The following LRRC4C variants were observed in gnomAD, a reference collection of about 807,000 sequenced individuals.
The protein encoded by LRRC4C is leucine-rich repeat-containing protein 4C.
LRRC4C carries 5 observed loss-of-function variants against 33.6 expected under a neutral mutation model. The observed-to-expected ratio is 0.15, with a 90% CI of 0.08 to 0.31. LRRC4C has a LOEUF of 0.31. Among genes scored for constraint, LRRC4C ranks in the 10% least tolerant of loss-of-function variants. The pLI is 1.00. For synonymous variants in LRRC4C, 329 were observed against 302.0 expected, an observed-to-expected ratio of 1.09 and a Z score of -0.93; for missense variants, 560 against 796.7, an observed-to-expected ratio of 0.70 and a Z score of 3.58.
chr11:41,135,549 T>A (rs1943218871), intron 1 of LRRC4C, among the ~76,000 whole-genome samples: 1 of 152,164 alleles, frequency 6.6e-6, no homozygotes, highest in Non-Finnish European at 1.5e-5. Context: ...ATCTCAGTGA[T>A]CAGTGATACC....
chr11:41,276,739 G>A (rs1156483295), intron 1 of LRRC4C, among the ~76,000 whole-genome samples: 1 of 152,108 alleles, frequency 6.6e-6, no homozygotes, highest in Non-Finnish European at 1.5e-5. Flanking sequence ...GATTGTTCAA[G>A]TACACCCAAT....
intron 1 of LRRC4C, among the ~76,000 whole-genome samples, chr11:41,156,601 G>C (rs938388039): frequency 6.6e-6 from 1 of 152,040 alleles, no homozygotes; most frequent in Non-Finnish European, 1.5e-5. Context: ...AACAGAAAAA[G>C]TGCCCTAGAG....
chr11:40,627,270 A>G (rs1003444834), intron 3 of LRRC4C, among the ~76,000 whole-genome samples: 7 of 65,710 alleles, frequency 1.1e-4, no homozygotes. Context: ...AGAGAGAGAG[A>G]GAGAGCGAGA....
chr11:40,994,551 C>T (rs1004526659), intron 1 of LRRC4C, among the ~76,000 whole-genome samples: 1 of 152,130 alleles, frequency 6.6e-6, no homozygotes, highest in East Asian at 1.9e-4. Context: ...AGTTGAAAAC[C>T]CTGGTGATGT....
At chr11:41,343,341 G>A (rs981914744) in intron 1 of LRRC4C, among the ~76,000 whole-genome samples, 1 of 151,796 alleles carries the variant, frequency 6.6e-6, no homozygotes, top group Non-Finnish European at 1.5e-5. Context: ...CTTATTGGAA[G>A]GGAAGAGCAA....
intron 1 of LRRC4C, among the ~76,000 whole-genome samples, chr11:41,117,232 G>C (rs1397450857): frequency 6.6e-6 from 1 of 152,162 alleles, no homozygotes; most frequent in Non-Finnish European, 1.5e-5. Context: ...ACCCAGCTGA[G>C]CTCAGCTCAA....
intron 1 of LRRC4C, among the ~76,000 whole-genome samples, chr11:41,386,425 T>C (rs1953362840): frequency 6.6e-6 from 1 of 151,726 alleles, no homozygotes; most frequent in Non-Finnish European, 1.5e-5. Flanking sequence ...ACCGTAACCA[T>C]GGTAGCACTA....
chr11:41,189,079 T>C lies in LRRC4C; in HGVS notation c.-495-255356A>G, dbSNP rs143449165. Among the ~76,000 whole-genome samples, 221 of 152,224 alleles carry C rather than the reference T, an allele frequency of 1.5e-3. 1 individual carries two copies. Among genetic ancestry groups the C allele is most frequent in the Admixed American group, 6.0e-3 (92 of 15,276 alleles). On this transcript the variant is annotated intron_variant, in intron 1 of 6. Coordinates refer to ENST00000528697, the MANE Select transcript of LRRC4C (RefSeq NM_001258419.2). ...ACTGACTCACCTGTTTTCTCACTCA[T>C]TTATTCAACAAAGATTTATAGGGCA...
At chr11:41,170,407 A>C (rs1001432005) in intron 1 of LRRC4C, among the ~76,000 whole-genome samples, 30 of 152,198 alleles carry the variant, frequency 2.0e-4, no homozygotes, top group African/African-American at 7.0e-4. Flanking sequence ...CAAAACAGAG[A>C]TATAGACCAA....
At position 40,270,330 on chromosome 11, in the gene LRRC4C, C is replaced by G. The variant is rs1479986241; in HGVS notation, c.-175-28732G>C. Among the ~76,000 whole-genome samples the G allele has an allele frequency of 3.9e-5, 6 of 152,054 alleles. No individual in the cohort carries two copies. In the East Asian group the frequency reaches 1.2e-3, roughly 29 times the overall value. On this transcript the variant is annotated intron_variant, in intron 4 of 6. Coordinates refer to ENST00000528697, the MANE Select transcript of LRRC4C (RefSeq NM_001258419.2). ...GTTTGTTTTCTTTGGTGGCCTCTCT[C>G]CTTAGCTTGAAAATGTCCACATTCT...
chr11:40,684,177 T>C (rs1944842357), intron 2 of LRRC4C, among the ~76,000 whole-genome samples: 1 of 151,678 alleles, frequency 6.6e-6, no homozygotes, highest in Non-Finnish European at 1.5e-5. Context: ...AAAAAAAAGC[T>C]AAAGACTTTA....
chr11:41,197,569 A>T (rs1946233685), intron 1 of LRRC4C, among the ~76,000 whole-genome samples: 1 of 152,068 alleles, frequency 6.6e-6, no homozygotes, highest in African/African-American at 2.4e-5. Context: ...ACCTTCTGAA[A>T]TTCTTTACTA....
At chr11:40,780,350 G>A (rs558371405) in intron 2 of LRRC4C, among the ~76,000 whole-genome samples, 6 of 152,166 alleles carry the variant, frequency 3.9e-5, no homozygotes, top group Non-Finnish European at 7.4e-5. Context: ...AGAAAATTTC[G>A]AAAATATATA....
intron 1 of LRRC4C, among the ~76,000 whole-genome samples, chr11:41,120,359 T>G (rs60819815): frequency 7.9e-5 from 12 of 152,308 alleles, no homozygotes; most frequent in African/African-American, 2.9e-4. Flanking sequence ...GGGTACTTTT[T>G]TGTTTGTTCT....
At chr11:40,366,174 C>CAG (rs1565317949) in intron 3 of LRRC4C, among the ~76,000 whole-genome samples, 1 of 152,020 alleles carries the variant, frequency 6.6e-6, no homozygotes, top group Non-Finnish European at 1.5e-5. Flanking sequence ...TCTATGCACT[C>CAG]ACGGCTGTAC....
intron 3 of LRRC4C, among the ~76,000 whole-genome samples, chr11:40,428,579 G>A (rs1020702718): frequency 5.3e-5 from 8 of 152,076 alleles, no homozygotes; most frequent in African/African-American, 1.4e-4. Context: ...TATATCTCTC[G>A]CTTGTAGAAT....
chr11:40,247,554 T>C (rs1866444928), intron 4 of LRRC4C, among the ~76,000 whole-genome samples: 1 of 152,230 alleles, frequency 6.6e-6, no homozygotes, highest in Non-Finnish European at 1.5e-5. Context: ...TTCTATCACT[T>C]ATCAAAAATC....
chr11:40,627,185 G>A (rs1417338656), intron 3 of LRRC4C, among the ~76,000 whole-genome samples: 1 of 149,992 alleles, frequency 6.7e-6, no homozygotes, highest in Non-Finnish European at 1.5e-5. Context: ...TATCCTAAGG[G>A]AAATTATTAA....
chr11:41,019,555 C>T (rs976230426), intron 1 of LRRC4C, among the ~76,000 whole-genome samples: 2 of 152,004 alleles, frequency 1.3e-5, no homozygotes, highest in Non-Finnish European at 2.9e-5. Context: ...ATTGCTGGCT[C>T]AAATGGTATT....
Sources: allele counts gnomAD v4.1 joint callset (sites outside exome capture counted in the v4.1 genomes callset), GRCh38; gene constraint gnomAD v4.1.1; transcripts MANE v1.5; gene names NCBI Gene and HGNC (gene_info 2026-07-23, HGNC 2026-07-21).